The following TAF3 variants were observed in gnomAD, a reference collection of about 807,000 sequenced individuals.
TAF3 encodes the protein transcription initiation factor TFIID subunit 3.
TAF3 carries 7 observed loss-of-function variants against 80.6 expected under a neutral mutation model. The ratio of observed to expected loss-of-function variants is 0.09; its 90% confidence interval spans 0.05 to 0.16. The LOEUF (loss-of-function observed/expected upper bound fraction) is 0.16. Ranked by LOEUF, TAF3 falls within the 10% of genes least tolerant of loss-of-function variation. TAF3 has a pLI of 1.00. For synonymous variants in TAF3, 444 were observed against 446.1 expected (o/e 1.00, Z 0.06); for missense variants, 921 against 1,140.2 (o/e 0.81, Z 2.77).
At chr10:7,915,321 T>TAG (rs1299632527) in intron 2 of TAF3, among the ~76,000 whole-genome samples, 1 of 151,582 alleles carries the variant, frequency 6.6e-6, no homozygotes, top group East Asian at 2.0e-4. Context: ...AAGTCTCACT[T>TAG]ACAGTATAGG....
chr10:7,976,721 A>G (rs1406907112), intron 3 of TAF3, among the ~76,000 whole-genome samples: 2 of 152,118 alleles, frequency 1.3e-5, no homozygotes, highest in South Asian at 2.1e-4. Context: ...TTTCTTTTAC[A>G]GCATTTCAGA....
intron 2 of TAF3, among the ~76,000 whole-genome samples, chr10:7,894,280 G>A (rs565972424): frequency 1.3e-5 from 2 of 152,180 alleles, no homozygotes; most frequent in South Asian, 2.1e-4. Context: ...AGGGACAGTC[G>A]GCCCTCAGGG....
intron 1 of TAF3, among the ~76,000 whole-genome samples, chr10:7,820,085 C>T (rs1414475929): frequency 1.3e-5 from 2 of 152,206 alleles, no homozygotes; most frequent in Non-Finnish European, 2.9e-5. Context: ...AGCTACCTGC[C>T]TTTTCCAAAA....
intron 2 of TAF3, among the ~76,000 whole-genome samples, chr10:7,877,989 C>T (rs956482865): frequency 1.3e-5 from 2 of 152,162 alleles, no homozygotes; most frequent in South Asian, 2.1e-4. Context: ...TGAGTAGACG[C>T]GTACTTTGCA....
chr10:7,987,497 T>C (rs1354414860), intron 4 of TAF3, among the ~76,000 whole-genome samples: 1 of 152,168 alleles, frequency 6.6e-6, no homozygotes, highest in Non-Finnish European at 1.5e-5. Context: ...TTGTCAAAGG[T>C]TTTGCTATAA....
At chr10:7,991,680 A>C (rs1831835699) in intron 4 of TAF3, among the ~76,000 whole-genome samples, 1 of 152,236 alleles carries the variant, frequency 6.6e-6, no homozygotes. Flanking sequence ...GTGTGTGTCT[A>C]TATCACATGC....
intron 2 of TAF3, among the ~76,000 whole-genome samples, chr10:7,948,234 TTTTTTC>T (rs1471427042): frequency 6.6e-6 from 1 of 150,560 alleles, no homozygotes; most frequent in Non-Finnish European, 1.5e-5. Context: ...TACTAATTTT[TTTTTTC>T]TTTTCTTTTC....
At chr10:7,886,578 C>CT (rs1837410850) in intron 2 of TAF3, among the ~76,000 whole-genome samples, 1 of 152,190 alleles carries the variant, frequency 6.6e-6, no homozygotes, top group Admixed American at 6.5e-5. Flanking sequence ...TCTGAAATTT[C>CT]TTTATCAGTT....
rs577065186 is a variant in TAF3 at position 7,872,156 on chromosome 10, A to G, written c.409+47596A>G. ...CTAATTTTTCTTTTTTTAACCTGCAAAGTTTCCAGTTTACCAGTAGAGGGC... is the reference window on the plus strand; with the variant it reads ...CTAATTTTTCTTTTTTTAACCTGCAGAGTTTCCAGTTTACCAGTAGAGGGC... On this transcript the variant is annotated intron_variant, in intron 2 of 6. Coordinates refer to ENST00000344293, the MANE Select transcript of TAF3 (RefSeq NM_031923.4). 2.0e-5 allele frequency among the ~76,000 whole-genome samples: 3 copies of G among 150,236 alleles called. No individual in the cohort carries two copies. In the East Asian group the frequency reaches 5.8e-4, roughly 29 times the overall value.
At chr10:7,926,902 G>T (rs1170808016) in intron 2 of TAF3, among the ~76,000 whole-genome samples, 1 of 152,154 alleles carries the variant, frequency 6.6e-6, no homozygotes, top group Non-Finnish European at 1.5e-5. Flanking sequence ...TCAGAGAGAA[G>T]AGTATTTTAC....
intron 2 of TAF3, among the ~76,000 whole-genome samples, chr10:7,839,898 C>A (rs1262696288): frequency 2.0e-5 from 3 of 152,168 alleles, no homozygotes; most frequent in Admixed American, 1.3e-4. Context: ...CAGCAGTCAG[C>A]ATGGAGAGTA....
chr10:7,862,107 A>G (rs1205586688), intron 2 of TAF3, among the ~76,000 whole-genome samples: 1 of 152,188 alleles, frequency 6.6e-6, no homozygotes, highest in Non-Finnish European at 1.5e-5. Context: ...TTTCAGTTGT[A>G]GAGTTACCAT....
chr10:7,982,277 A>G lies in TAF3; in HGVS notation c.2315+4954A>G, dbSNP rs1188338857. The stretch of plus-strand genomic sequence containing the variant: ...ATAGTACAGTCGGAAATAGAAATAG[A>G]TCTTCTTCCCTAAGATCAAGGGAAG... On this transcript the variant is annotated intron_variant, in intron 4 of 6. Coordinates refer to ENST00000344293, the MANE Select transcript of TAF3 (RefSeq NM_031923.4). Among the ~76,000 whole-genome samples, 3 of 152,326 alleles carry G rather than the reference A, an allele frequency of 2.0e-5. No homozygotes were observed. In the East Asian group the frequency reaches 5.8e-4, roughly 29 times the overall value.
At chr10:7,985,454 A>G (rs1831767296) in intron 4 of TAF3, among the ~76,000 whole-genome samples, 1 of 152,000 alleles carries the variant, frequency 6.6e-6, no homozygotes, top group South Asian at 2.1e-4. Flanking sequence ...CCTCACCTTC[A>G]TCAAGCCTTC....
At chr10:7,844,901 G>A (rs1266137322) in intron 2 of TAF3, among the ~76,000 whole-genome samples, 1 of 151,888 alleles carries the variant, frequency 6.6e-6, no homozygotes, top group African/African-American at 2.4e-5. Flanking sequence ...ATCGCTTATT[G>A]TTGGGCATTT....
intron 3 of TAF3, among the ~76,000 whole-genome samples, chr10:7,970,798 G>A (rs191711893): frequency 2.0e-5 from 3 of 152,188 alleles, no homozygotes; most frequent in Admixed American, 6.5e-5. Context: ...AAATTTAAAC[G>A]GTTTGTTCTT....
At position 7,915,002 on chromosome 10, in the gene TAF3, G is replaced by A. The variant is rs532657194; in HGVS notation, c.410-48918G>A. Among the ~76,000 whole-genome samples the A allele has an allele frequency of 2.9e-4, 39 of 132,858 alleles. No individual in the cohort carries two copies. The South Asian group carries it at 5.3e-3, about 18-fold the overall frequency. The allele number at this position is 132,858 out of a possible 152,430, so 87.2% of individuals were successfully genotyped here. ...GTCGCCCAGGCTGGAGTGCAGTGGC[G>A]CAATCTTGGCTTACTGCAAGCTCCG... On this transcript the variant is annotated intron_variant, in intron 2 of 6. Coordinates refer to ENST00000344293, the MANE Select transcript of TAF3 (RefSeq NM_031923.4).
Position 7,953,027 on chromosome 10 carries a change from G to A in TAF3, c.410-10893G>A, listed in dbSNP as rs990602851. 2.6e-5 allele frequency among the ~76,000 whole-genome samples: 4 copies of A among 151,906 alleles called. No homozygotes were observed. In the East Asian group the frequency reaches 5.8e-4, roughly 22 times the overall value. ...TGCCCTTCTTTTCCTTCCCAGCATC[G>A]AGTGCCTGTTTTCCTATTATTTCCT... On this transcript the variant is annotated intron_variant, in intron 2 of 6. Transcript: ENST00000344293.
chr10:8,001,629 G>C (rs1195612789), intron 4 of TAF3, among the ~76,000 whole-genome samples: 1 of 152,118 alleles, frequency 6.6e-6, no homozygotes, highest in East Asian at 1.9e-4. Flanking sequence ...CTTTTGGTGA[G>C]ATACTAGAAA....
Sources: gnomAD v4.1 joint callset for allele counts (sites outside exome capture counted in the v4.1 genomes callset) on GRCh38, gnomAD v4.1.1 for gene constraint, MANE v1.5 for transcripts, NCBI Gene and HGNC (gene_info 2026-07-23, HGNC 2026-07-21) for gene names.